KIT: variants seen among roughly 807,000 people sequenced by gnomAD.
KIT encodes mast/stem cell growth factor receptor Kit.
Under a neutral mutation model 105.7 loss-of-function variants are expected in KIT, and 16 were observed. The ratio of observed to expected loss-of-function variants is 0.15; its 90% CI spans 0.10 to 0.23. The LOEUF is 0.23. KIT is among the 10% of genes least tolerant of loss of function. The pLI, the probability that KIT is intolerant of heterozygous loss-of-function variation, is 1.00. For missense variants in KIT, 858 were observed against 1,213.8 expected (o/e 0.71, Z 4.36); for synonymous variants, 438 against 441.1 (o/e 0.99, Z 0.09).
intron 1 of KIT, among the ~76,000 whole-genome samples, chr4:54,661,127 A>G (rs561594734): frequency 6.6e-6 from 1 of 152,272 alleles, no homozygotes; most frequent in South Asian, 2.1e-4. Flanking sequence ...CAAGCCAGTT[A>G]AAAATCCATC....
intron 2 of KIT, among the ~76,000 whole-genome samples, chr4:54,697,280 T>TC (rs1238147296): frequency 6.6e-6 from 1 of 152,202 alleles, no homozygotes; most frequent in Non-Finnish European, 1.5e-5. Context: ...AACTTTTTTT[T>TC]CAAAATTGAT....
rs1334133798 is a variant in KIT, at chr4:54,738,508, G to A, written c.2882G>A (p.Gly961Asp). 2.5e-6 allele frequency: 4 copies of A among 1,613,938 alleles called. No homozygotes were observed. In the Admixed American group the frequency reaches 5.0e-5, roughly 20 times the overall value. ...CATTCTGTGCGGATCAATTCTGTCG[G>A]CAGCACCGCTTCCTCCTCCCAGCCT... ...VDHSVRINSV[G>D]STASSSQPLL... is the part of the protein sequence containing the mutation. Residue 961 changes from glycine to aspartate, a missense_variant, in exon 21 of 21, where the codon GGC becomes GAC. Gly to Asp is a moderately conservative substitution (Grantham distance 94). Transcript: ENST00000288135.
intron 7 of KIT, among the ~76,000 whole-genome samples, chr4:54,710,187 G>A (rs1019635598): frequency 6.6e-6 from 1 of 152,188 alleles, no homozygotes; most frequent in Admixed American, 6.5e-5. Flanking sequence ...CTGAAGTTGA[G>A]GCCAAGGGAG....
intron 1 of KIT, among the ~76,000 whole-genome samples, chr4:54,679,819 A>G (rs1228934041): frequency 1.3e-5 from 2 of 152,234 alleles, no homozygotes; most frequent in African/African-American, 2.4e-5. Context: ...ACAGTGGACT[A>G]TTATTCAGCC....
intron 1 of KIT, among the ~76,000 whole-genome samples, chr4:54,687,789 A>C (rs1719424813): frequency 6.6e-6 from 1 of 152,066 alleles, no homozygotes; most frequent in Non-Finnish European, 1.5e-5. Flanking sequence ...ACATATACAA[A>C]GTCTTCCTGG....
At position 54,664,551 on chromosome 4, in the gene KIT, G is replaced by C. The variant is rs1294642013; in HGVS notation, c.67+6470G>C. ...AAAACTTGGACACTCCCTTGCTGTG[G>C]GCAACCAAGACTAAGGGAGAGTCTG... On this transcript the variant is annotated intron_variant, in intron 1 of 20. Coordinates refer to ENST00000288135, the MANE Select transcript of KIT (RefSeq NM_000222.3). 3.9e-5 allele frequency among the ~76,000 whole-genome samples: 6 copies of C among 152,026 alleles called. No homozygotes were observed. The East Asian group carries it at 1.2e-3, about 29-fold the overall frequency.
chr4:54,666,105 A>C (rs1241382904), intron 1 of KIT, among the ~76,000 whole-genome samples: 2 of 152,202 alleles, frequency 1.3e-5, no homozygotes. Context: ...GTCCTTTGAA[A>C]GCAACTTAAA....
At chr4:54,699,262 T>C (rs1374017124) in intron 3 of KIT, among the ~76,000 whole-genome samples, 1 of 152,172 alleles carries the variant, frequency 6.6e-6, no homozygotes, top group Non-Finnish European at 1.5e-5. Flanking sequence ...GAAAGACGCC[T>C]GTTTGCTTAA....
chr4:54,707,723 T>G (rs1295766956), intron 6 of KIT, among the ~76,000 whole-genome samples: 2 of 152,220 alleles, frequency 1.3e-5, no homozygotes, highest in African/African-American at 4.8e-5. Flanking sequence ...TCTCATTTGA[T>G]CCTCAAAACA....
chr4:54,709,277 TTAATGTGGATTTTGC>T, intron 6 of KIT, 132 bp from the exon 7 acceptor site: 1 of 667,302 alleles, frequency 1.5e-6, no homozygotes, highest in Non-Finnish European at 2.7e-6. Context: ...TATGTATTTG[TTAATGTGGATTTTGC>T]TAATACTTAC....
chr4:54,735,701 G>T (rs1489354949), intron 17 of KIT, among the ~76,000 whole-genome samples: 1 of 152,168 alleles, frequency 6.6e-6, no homozygotes, highest in Non-Finnish European at 1.5e-5. Flanking sequence ...TTGTTTTACA[G>T]AAGAAGATAC....
intron 7 of KIT, among the ~76,000 whole-genome samples, chr4:54,717,917 A>G (rs923693043): frequency 1.3e-5 from 2 of 152,040 alleles, no homozygotes; most frequent in African/African-American, 4.8e-5. Context: ...CGGCTGGGTG[A>G]TACAGCAATG....
At position 54,707,124 on chromosome 4, in the gene KIT, A is replaced by G. The variant is rs143388949; in HGVS notation, c.952A>G (p.Met318Val). 1.6e-4 allele frequency: 253 copies of G among 1,559,830 alleles called. No homozygotes were observed. The highest frequency in any genetic ancestry group is 1.8e-4 in the Non-Finnish European group (199 of 1,131,176). The change falls in exon 6 of 21, where the codon ATG (methionine) becomes GTG (valine). Residue 318 changes from methionine (M) to valine (V), a missense_variant. Met to Val is a conservative substitution (Grantham distance 21). Around this residue, in one of 7 missense-constraint regions of KIT, gnomAD observed 401 missense variants for 601.0 expected, o/e 0.67. Coordinates refer to ENST00000288135, the MANE Select transcript of KIT (RefSeq NM_000222.3). ...VDKGFINIFP[M>V]INTTVFVNDG... ...TAAAGGATTCATTAATATCTTCCCCATGATAAACACTACAGTATTTGTAAA... is the reference window on the plus strand; with the variant it reads ...TAAAGGATTCATTAATATCTTCCCCGTGATAAACACTACAGTATTTGTAAA...
chr4:54,718,544 A>G (rs916319322), intron 7 of KIT, among the ~76,000 whole-genome samples: 1 of 152,242 alleles, frequency 6.6e-6, no homozygotes, highest in Non-Finnish European at 1.5e-5. Flanking sequence ...TGATTATATA[A>G]TGTCTATGGG....
rs1185109256 is a variant in KIT at position 54,725,942 on chromosome 4, A to G, written c.1432A>G (p.Ile478Val). 9 of 1,614,026 alleles carry G rather than the reference A, an allele frequency of 5.6e-6. No homozygotes were observed. In the East Asian group the frequency reaches 6.7e-5, roughly 12 times the overall value. The change falls in exon 9 of 21, where the codon ATA becomes GTA. Residue 478 changes from isoleucine (I) to valine (V), a missense_variant. By Grantham distance (29) the Ile-to-Val change is conservative. Transcript: ENST00000288135. ...TGGAAAGCTAGTGGTTCAGAGTTCT[A>G]TAGATTCTAGTGCATTCAAGCACAA... ...PFGKLVVQSS[I>V]DSSAFKHNGT... is the part of the protein sequence containing the mutation.
At chr4:54,661,630 G>A (rs568923921) in intron 1 of KIT, among the ~76,000 whole-genome samples, 258 of 152,280 alleles carry the variant, frequency 1.7e-3, no homozygotes, top group Non-Finnish European at 2.9e-3. Context: ...ATTAATGTGC[G>A]GTAACTTTTA....
intron 2 of KIT, 84 bp downstream of exon 2, chr4:54,695,865 G>A (rs1051852323): frequency 6.6e-7 from 1 of 1,509,206 alleles, no homozygotes; most frequent in Non-Finnish European, 9.2e-7. Flanking sequence ...GGATGACTGA[G>A]CCATAGATAA....
intron 1 of KIT, among the ~76,000 whole-genome samples, chr4:54,667,942 A>G (rs1287941292): frequency 6.6e-6 from 1 of 152,208 alleles, no homozygotes; most frequent in Non-Finnish European, 1.5e-5. Context: ...CCCCACTCCT[A>G]GCCAAGATTA....
rs1560416964 is a variant in KIT at position 54,727,229 on chromosome 4, C to A, written c.1552C>A (p.Pro518Thr). 6.2e-7 allele frequency: 1 copy of A among 1,613,902 alleles called. No individual in the cohort carries two copies. The highest frequency in any genetic ancestry group is 8.5e-7 in the Non-Finnish European group (1 of 1,179,808). ...CTCTTCCATTGTAGAGCAAATCCAT[C>A]CCCACACCCTGTTCACTCCTTTGCT... ...FKGNNKEQIH[P>T]HTLFTPLLIG... The change falls in exon 10 of 21, where the codon CCC becomes ACC. Residue 518 changes from proline to threonine, a missense_variant. Pro to Thr is a conservative substitution (Grantham distance 38). Transcript: ENST00000288135.
Sources: allele counts gnomAD v4.1 joint callset (sites outside exome capture counted in the v4.1 genomes callset), GRCh38; gene constraint gnomAD v4.1.1; regional missense constraint gnomAD v4.1.1; transcripts MANE v1.5; gene names NCBI Gene and HGNC (gene_info 2026-07-23, HGNC 2026-07-21).